The following TBC1D8 variants were observed in gnomAD, a reference collection of about 807,000 sequenced individuals.
TBC1D8 encodes BUB2-like protein 1.
In TBC1D8, 65 loss-of-function variants were observed where a neutral mutation model predicts 118.8. The observed-to-expected ratio is 0.55, with a 90% CI of 0.45 to 0.67. The LOEUF (loss-of-function observed/expected upper bound fraction) is 0.67, where lower values mean the gene tolerates loss of function less well. TBC1D8 is among the 30% of genes least tolerant of loss of function. TBC1D8 has a pLI of 0.00. For synonymous variants in TBC1D8, 566 were observed against 595.8 expected (o/e 0.95, Z 0.73); for missense variants, 1,376 against 1,471.2 (o/e 0.94, Z 1.06).
Position 101,125,628 on chromosome 2 carries a change from T to C in TBC1D8, c.127+25499A>G, listed in dbSNP as rs1198242012. ...ATTCAAGATCAGAAATAACGCATGT[T>C]AGGCAATGTTTCCTGTCTTTTTACA... On this transcript the variant is annotated intron_variant, in intron 1 of 19. Coordinates refer to ENST00000409318, the MANE Select transcript of TBC1D8 (RefSeq NM_001330348.2). Among the ~76,000 whole-genome samples, 6 of 152,376 alleles carry C rather than the reference T, an allele frequency of 3.9e-5. No homozygotes were observed. The East Asian group carries it at 1.2e-3, about 29-fold the overall frequency.
intron 2 of TBC1D8, among the ~76,000 whole-genome samples, chr2:101,062,447 G>A (rs1304913029): frequency 1.3e-5 from 2 of 152,170 alleles, no homozygotes; most frequent in African/African-American, 2.4e-5. Flanking sequence ...ACTAAAGCAG[G>A]GAGAAGACTC....
chr2:101,070,854 G>A (rs1319945028), intron 2 of TBC1D8, among the ~76,000 whole-genome samples: 3 of 152,126 alleles, frequency 2.0e-5, no homozygotes, highest in African/African-American at 4.8e-5. Flanking sequence ...AATGGTTACT[G>A]TAATTATCTA....
intron 1 of TBC1D8, among the ~76,000 whole-genome samples, chr2:101,131,105 G>A (rs1467013830): frequency 2.6e-5 from 4 of 152,108 alleles, no homozygotes; most frequent in Non-Finnish European, 4.4e-5. Flanking sequence ...GTCTTGCTAT[G>A]TTGTCCAGGC....
At chr2:101,141,584 C>T (rs1268242556) in intron 1 of TBC1D8, among the ~76,000 whole-genome samples, 1 of 151,926 alleles carries the variant, frequency 6.6e-6, no homozygotes, top group African/African-American at 2.4e-5. Context: ...TCTTCTTAAA[C>T]AAGTAACAAA....
At chr2:101,109,125 C>G (rs931179524) in intron 1 of TBC1D8, among the ~76,000 whole-genome samples, 1 of 152,132 alleles carries the variant, frequency 6.6e-6, no homozygotes, top group East Asian at 1.9e-4. Context: ...ATGCTAACTG[C>G]CCCCATAGGA....
chr2:101,052,872 A>G (rs1168968309), intron 4 of TBC1D8, among the ~76,000 whole-genome samples: 1 of 152,228 alleles, frequency 6.6e-6, no homozygotes, highest in East Asian at 1.9e-4. Context: ...AAATTTCTGC[A>G]TCAGGCTCAA....
chr2:101,018,753 G>A (rs1679839074), intron 17 of TBC1D8, among the ~76,000 whole-genome samples: 2 of 152,182 alleles, frequency 1.3e-5, no homozygotes. Context: ...TGTCTCATTT[G>A]TGTGTGTCCA....
intron 2 of TBC1D8, among the ~76,000 whole-genome samples, chr2:101,079,680 GTTTTTTTT>G (rs35466679): frequency 1.2e-5 from 1 of 81,792 alleles, no homozygotes; most frequent in Admixed American, 1.8e-4. Flanking sequence ...GTCCAGTCTG[GTTTTTTTT>G]TTTTTTTTTT....
At chr2:101,037,013 C>A (rs749717532) in intron 8 of TBC1D8, among the ~76,000 whole-genome samples, 6 of 152,198 alleles carry the variant, frequency 3.9e-5, no homozygotes, top group African/African-American at 7.2e-5. Flanking sequence ...CAGCGCAGCA[C>A]CCTGCCTGCC....
At chr2:101,081,837 T>C (rs1481260818) in intron 2 of TBC1D8, among the ~76,000 whole-genome samples, 7 of 152,138 alleles carry the variant, frequency 4.6e-5, no homozygotes, top group Admixed American at 1.3e-4. Flanking sequence ...CACAGGGCCA[T>C]GATAAAAAAT....
intron 1 of TBC1D8, among the ~76,000 whole-genome samples, chr2:101,143,263 A>G (rs2104282488): frequency 6.6e-6 from 1 of 152,074 alleles, no homozygotes; most frequent in Non-Finnish European, 1.5e-5. Context: ...GGGTTTCACC[A>G]TGATGGCCAG....
chr2:101,041,030 A>G (rs1681355970), intron 5 of TBC1D8, among the ~76,000 whole-genome samples: 1 of 152,240 alleles, frequency 6.6e-6, no homozygotes, highest in African/African-American at 2.4e-5. Flanking sequence ...CAAGTTTCAA[A>G]AAGTTTGATA....
chr2:101,071,052 C>T lies in TBC1D8; in HGVS notation c.284-11513G>A, dbSNP rs1271021676. Among the ~76,000 whole-genome samples the T allele has an allele frequency of 2.0e-5, 3 of 152,096 alleles. No individual in the cohort carries two copies. The East Asian group carries it at 5.8e-4, about 29-fold the overall frequency. ...AATAATAGGCAATTTAAATTAGCAT[C>T]GGCCAGGCCAGGCACGATGGCTCAT... On this transcript the variant is annotated intron_variant, in intron 2 of 19. Coordinates refer to ENST00000409318, the MANE Select transcript of TBC1D8 (RefSeq NM_001330348.2).
chr2:101,097,558 A>T (rs1002143903), intron 1 of TBC1D8, among the ~76,000 whole-genome samples: 3 of 38,956 alleles, frequency 7.7e-5, no homozygotes, highest in Non-Finnish European at 1.1e-4. Context: ...TCTGTTATTT[A>T]AAAAAAAAAA....
chr2:101,021,857 A>G, intron 16 of TBC1D8, 111 bp from the exon 17 acceptor site: 2 of 706,966 alleles, frequency 2.8e-6, no homozygotes, highest in Non-Finnish European at 4.9e-6. Flanking sequence ...TGCCACCCCC[A>G]ACTCTCCTGC....
intron 1 of TBC1D8, among the ~76,000 whole-genome samples, chr2:101,115,505 C>T (rs1677781987): frequency 6.6e-6 from 1 of 152,198 alleles, no homozygotes; most frequent in African/African-American, 2.4e-5. Flanking sequence ...AATCCCAGCA[C>T]TTTGGGAGGC....
intron 1 of TBC1D8, among the ~76,000 whole-genome samples, chr2:101,140,545 G>A (rs1051116559): frequency 6.6e-6 from 1 of 152,000 alleles, no homozygotes; most frequent in African/African-American, 2.4e-5. Context: ...AAAATGCCAA[G>A]CTCTCCCTGA....
intron 1 of TBC1D8, among the ~76,000 whole-genome samples, chr2:101,129,157 T>C (rs1678477099): frequency 6.6e-6 from 1 of 152,160 alleles, no homozygotes; most frequent in Non-Finnish European, 1.5e-5. Flanking sequence ...TTTTTTAAAT[T>C]GAGATAGAGT....
At chr2:101,129,129 GTTTTA>G (rs1216316538) in intron 1 of TBC1D8, among the ~76,000 whole-genome samples, 3 of 152,086 alleles carry the variant, frequency 2.0e-5, no homozygotes, top group Non-Finnish European at 4.4e-5. Context: ...TTGTGTGTGT[GTTTTA>G]TTTTGTTTTG....
Sources: allele counts gnomAD v4.1 joint callset (sites outside exome capture counted in the v4.1 genomes callset), GRCh38; gene constraint gnomAD v4.1.1; transcripts MANE v1.5; gene names NCBI Gene and HGNC (gene_info 2026-07-23, HGNC 2026-07-21).